SPAG16: variants seen among roughly 807,000 people sequenced by gnomAD.
SPAG16 encodes the protein sperm associated antigen 16.
In SPAG16, 86 loss-of-function variants were observed where a neutral mutation model predicts 80.4. The observed-to-expected ratio is 1.07, with a 90% CI of 0.90 to 1.28. The LOEUF (loss-of-function observed/expected upper bound fraction) is 1.28. Among genes scored for constraint, SPAG16 ranks in the 50% most tolerant of loss-of-function variants. The pLI is 0.00. For missense variants in SPAG16, 870 were observed against 765.3 expected (o/e 1.14, Z -1.61); for synonymous variants, 294 against 265.9 (o/e 1.11, Z -1.03).
chr2:213,605,430 C>A (rs2061224511), intron 10 of SPAG16, among the ~76,000 whole-genome samples: 1 of 152,006 alleles, frequency 6.6e-6, no homozygotes, highest in African/African-American at 2.4e-5. Context: ...GTGGAAGGAT[C>A]CCTTGAGGCC....
At chr2:214,168,283 C>T (rs182594786) in intron 15 of SPAG16, among the ~76,000 whole-genome samples, 49 of 152,168 alleles carry the variant, frequency 3.2e-4, no homozygotes, top group African/African-American at 1.2e-3. Flanking sequence ...TGAGCCACTG[C>T]GCCTAGACAG....
At chr2:213,862,691 C>A in intron 11 of SPAG16, 63 bp downstream of exon 11, 1 of 1,542,060 alleles carries the variant, frequency 6.5e-7, no homozygotes, top group Non-Finnish European at 8.9e-7. Flanking sequence ...TTTACTCTGT[C>A]TGCTCACTCT....
intron 10 of SPAG16, among the ~76,000 whole-genome samples, chr2:213,860,460 CAGA>C (rs2075396002): frequency 6.1e-5 from 8 of 131,594 alleles, no homozygotes; most frequent in Non-Finnish European, 1.3e-4. Flanking sequence ...TATATATATA[CAGA>C]TATATCTATC....
chr2:214,168,313 T>C (rs2056743353), intron 15 of SPAG16, among the ~76,000 whole-genome samples: 1 of 152,094 alleles, frequency 6.6e-6, no homozygotes, highest in Non-Finnish European at 1.5e-5. Context: ...TTTTCTATGC[T>C]TAAGTTTTCG....
Position 213,358,109 on chromosome 2 carries a change from T to A in SPAG16, c.763-5967T>A, listed in dbSNP as rs183954147. 1.2e-3 allele frequency among the ~76,000 whole-genome samples: 184 copies of A among 152,256 alleles called. 2 individuals are homozygous for A. In the East Asian group the frequency reaches 0.034, roughly 28 times the overall value. On this transcript the variant is annotated intron_variant, in intron 7 of 15. Transcript: ENST00000331683. ...CCCCACTCTCTTCTGGCTTGTAGGG[T>A]TTCTGCCGAGAGATCTGCTGTTAGT...
intron 15 of SPAG16, among the ~76,000 whole-genome samples, chr2:214,408,457 C>T (rs953474045): frequency 6.6e-6 from 1 of 152,146 alleles, no homozygotes; most frequent in Non-Finnish European, 1.5e-5. Context: ...ACACTCTAAT[C>T]CATCCTAAGG....
chr2:214,165,637 C>A (rs2056624337), intron 15 of SPAG16, among the ~76,000 whole-genome samples: 1 of 150,964 alleles, frequency 6.6e-6, no homozygotes, highest in South Asian at 2.1e-4. Context: ...TGCCCCCCAC[C>A]CCCTTGAAAT....
At position 213,970,507 on chromosome 2, in the gene SPAG16, G is replaced by T. The variant is rs562380743; in HGVS notation, c.1400+40362G>T. 7.9e-5 allele frequency among the ~76,000 whole-genome samples: 12 copies of T among 152,062 alleles called. No homozygotes were observed. The South Asian group carries it at 2.5e-3, about 32-fold the overall frequency. On this transcript the variant is annotated intron_variant, in intron 12 of 15. Coordinates refer to ENST00000331683, the MANE Select transcript of SPAG16 (RefSeq NM_024532.5). ...TTGTAGAGACAGGTTTCACCATGTT[G>T]CCCAGGCTGGCCTCGAGCTCCTGAA...
chr2:214,062,825 C>T (rs1189256803), intron 13 of SPAG16, among the ~76,000 whole-genome samples: 1 of 152,104 alleles, frequency 6.6e-6, no homozygotes, highest in African/African-American at 2.4e-5. Context: ...TAATGTCCTT[C>T]CAGTGACCTA....
intron 6 of SPAG16, among the ~76,000 whole-genome samples, chr2:213,340,881 G>C (rs2064649031): frequency 6.6e-6 from 1 of 151,998 alleles, no homozygotes; most frequent in Admixed American, 6.6e-5. Flanking sequence ...ATTATATTTT[G>C]CTTGCTCTAA....
intron 11 of SPAG16, among the ~76,000 whole-genome samples, chr2:213,894,184 A>C (rs1294589061): frequency 6.6e-6 from 1 of 152,190 alleles, no homozygotes; most frequent in Non-Finnish European, 1.5e-5. Flanking sequence ...AGGGTCACAA[A>C]AATTCTCAAG....
At chr2:213,860,327 CAA>C (rs1413908014) in intron 10 of SPAG16, among the ~76,000 whole-genome samples, 6 of 145,980 alleles carry the variant, frequency 4.1e-5, no homozygotes, top group Admixed American at 7.1e-5. Context: ...GAATTACCCA[CAA>C]AAGTCATTTA....
chr2:214,255,550 T>C (rs1207947198), intron 15 of SPAG16, among the ~76,000 whole-genome samples: 1 of 151,922 alleles, frequency 6.6e-6, no homozygotes, highest in Non-Finnish European at 1.5e-5. Flanking sequence ...CTTCCACACA[T>C]ATTATTGATT....
chr2:213,333,632 A>G (rs988989600), intron 5 of SPAG16, among the ~76,000 whole-genome samples: 5 of 152,284 alleles, frequency 3.3e-5, no homozygotes, highest in African/African-American at 1.2e-4. Flanking sequence ...CCAAAACAAC[A>G]TGGTACTGAC....
intron 10 of SPAG16, among the ~76,000 whole-genome samples, chr2:213,696,383 T>C (rs530139383): frequency 3.3e-4 from 50 of 152,246 alleles, no homozygotes; most frequent in South Asian, 8.3e-4. Flanking sequence ...GCACTGGCCA[T>C]CAATATTCAG....
chr2:213,500,730 A>C (rs2074706071), intron 10 of SPAG16, among the ~76,000 whole-genome samples: 1 of 152,216 alleles, frequency 6.6e-6, no homozygotes. Flanking sequence ...AATAGGTTGA[A>C]GGAGTCCAGC....
chr2:213,603,647 G>A (rs755621173), intron 10 of SPAG16, among the ~76,000 whole-genome samples: 8 of 152,160 alleles, frequency 5.3e-5, no homozygotes, highest in Non-Finnish European at 1.0e-4. Context: ...TTTGTGTGGG[G>A]AATGAGATAG....
intron 10 of SPAG16, among the ~76,000 whole-genome samples, chr2:213,776,825 C>CG (rs2069610308): frequency 1.1e-5 from 1 of 88,714 alleles, no homozygotes; most frequent in Non-Finnish European, 2.7e-5. Flanking sequence ...CGTTCTATGC[C>CG]ACCCCCCCCC....
intron 7 of SPAG16, among the ~76,000 whole-genome samples, chr2:213,359,168 G>A (rs902677757): frequency 3.3e-5 from 5 of 152,128 alleles, no homozygotes; most frequent in African/African-American, 1.2e-4. Context: ...AGGGGCACCT[G>A]CCTATATGAG....
Sources: allele counts gnomAD v4.1 joint callset (sites outside exome capture counted in the v4.1 genomes callset), GRCh38; gene constraint gnomAD v4.1.1; transcripts MANE v1.5; gene names NCBI Gene and HGNC (gene_info 2026-07-23, HGNC 2026-07-21).